PLD1: variants seen among roughly 807,000 people sequenced by gnomAD.
PLD1 encodes the protein choline phosphatase 1.
A neutral mutation model predicts 137.1 loss-of-function variants in PLD1; 112 were observed. That is an observed-to-expected ratio of 0.82 (90% CI 0.70 to 0.96). The LOEUF (loss-of-function observed/expected upper bound fraction) is 0.96, where lower values mean the gene tolerates loss of function less well. PLD1 is among the 40% of genes least tolerant of loss of function. The pLI, the probability that PLD1 is intolerant of heterozygous loss-of-function variation, is 0.00. For synonymous variants in PLD1, 431 were observed against 454.7 expected (o/e 0.95, Z 0.66); for missense variants, 1,321 against 1,342.0 (o/e 0.98, Z 0.24).
intron 1 of PLD1, among the ~76,000 whole-genome samples, chr3:171,798,120 C>T (rs972479878): frequency 5.9e-5 from 9 of 152,182 alleles, no homozygotes. Flanking sequence ...ATTATATAAC[C>T]AGCAATGGCA....
intron 1 of PLD1, among the ~76,000 whole-genome samples, chr3:171,743,674 C>T (rs377127925): frequency 6.6e-5 from 10 of 152,290 alleles, no homozygotes; most frequent in East Asian, 3.9e-4. Context: ...AAAATGAGCA[C>T]GGGCTCACAC....
chr3:171,630,024 A>G lies in PLD1; in HGVS notation c.2594-9504T>C, dbSNP rs576336247. Among the ~76,000 whole-genome samples, 16 of 152,330 alleles carry G rather than the reference A, an allele frequency of 1.1e-4. No individual in the cohort carries two copies. The Middle Eastern group carries it at 0.01, about 97-fold the overall frequency. ...CAAAATTGACAAATTGGATCTAATT[A>G]AACTAAAGAGCTTCTGCACAGCAAA... is the stretch of plus-strand genomic sequence containing the variant. On this transcript the variant is annotated intron_variant, in intron 23 of 26. Coordinates refer to ENST00000351298, the MANE Select transcript of PLD1 (RefSeq NM_002662.5).
chr3:171,648,745 G>A (rs1188517542), intron 21 of PLD1, among the ~76,000 whole-genome samples: 3 of 152,002 alleles, frequency 2.0e-5, no homozygotes, highest in African/African-American at 2.4e-5. Context: ...TAGCAGAGAC[G>A]GGGTTTCACC....
chr3:171,746,344 G>A (rs1159618945), intron 1 of PLD1, among the ~76,000 whole-genome samples: 1 of 152,268 alleles, frequency 6.6e-6, no homozygotes, highest in Non-Finnish European at 1.5e-5. Context: ...GGGCTCCTAA[G>A]TTGGGTGGTG....
At position 171,706,211 on chromosome 3, in the gene PLD1, A is replaced by C. The variant is rs534482739; in HGVS notation, c.1145+2544T>G. On this transcript the variant is annotated intron_variant, in intron 11 of 26. Transcript: ENST00000351298. ...TCCAAAATTAGTAGCCCTTATTACC[A>C]CTTACATTGTACCCTTTCTTTCTTT... Among the ~76,000 whole-genome samples, 107 of 151,674 alleles carry C rather than the reference A, an allele frequency of 7.1e-4. 2 individuals are homozygous for C. The South Asian group carries it at 0.022, about 31-fold the overall frequency.
chr3:171,711,121 G>A (rs1260991577), intron 9 of PLD1, among the ~76,000 whole-genome samples: 4 of 149,280 alleles, frequency 2.7e-5, no homozygotes, highest in African/African-American at 7.4e-5. Flanking sequence ...GGCCTGCCTC[G>A]GCCTCCCAAA....
At chr3:171,624,627 T>C (rs1733928867) in intron 23 of PLD1, among the ~76,000 whole-genome samples, 2 of 152,166 alleles carry the variant, frequency 1.3e-5, no homozygotes, top group African/African-American at 2.4e-5. Context: ...ATAATGGTTG[T>C]TGAAGACAAT....
At chr3:171,626,718 A>C (rs562458257) in intron 23 of PLD1, among the ~76,000 whole-genome samples, 5,160 of 151,756 alleles carry the variant, frequency 0.034, 322 homozygotes, top group African/African-American at 0.12. Flanking sequence ...AAAGAAAAGA[A>C]TTTTCAACCC....
chr3:171,676,097 C>G (rs1713322801), intron 18 of PLD1, among the ~76,000 whole-genome samples: 1 of 152,058 alleles, frequency 6.6e-6, no homozygotes, highest in Non-Finnish European at 1.5e-5. Context: ...CAGCCTAGGC[C>G]TCCCAAAGTG....
intron 21 of PLD1, among the ~76,000 whole-genome samples, chr3:171,648,310 C>T (rs1736437355): frequency 6.6e-6 from 1 of 152,024 alleles, no homozygotes; most frequent in Non-Finnish European, 1.5e-5. Flanking sequence ...AACATATGCT[C>T]ATAGTACAAA....
At chr3:171,671,089 T>G (rs925093480) in intron 19 of PLD1, among the ~76,000 whole-genome samples, 1 of 152,240 alleles carries the variant, frequency 6.6e-6, no homozygotes, top group Non-Finnish European at 1.5e-5. Context: ...GGTAATGGCA[T>G]GCTGAGGCCA....
chr3:171,612,298 G>A lies in PLD1; in HGVS notation c.2863C>T (p.Leu955Phe). The change falls in exon 25 of 27, where the codon CTT becomes TTT. Residue 955 changes from leucine to phenylalanine, a missense_variant. Coordinates refer to ENST00000351298, the MANE Select transcript of PLD1 (RefSeq NM_002662.5). The surrounding 1 kb of genome is among the most constrained non-coding windows in gnomAD (Gnocchi z 4.1). Reference protein sequence around the residue: ...EYQAGRFARGLRLQCFRVVLG... With the variant: ...EYQAGRFARGFRLQCFRVVLG... ...ACTGACCTAAAGCACTGTAGCCGAAGTCCTCGGGCAAACCGGCCAGCTTGG... is the reference window on the plus strand; with the variant it reads ...ACTGACCTAAAGCACTGTAGCCGAAATCCTCGGGCAAACCGGCCAGCTTGG... 6.2e-7 allele frequency: 1 copy of A among 1,614,090 alleles called. No individual in the cohort carries two copies. Among genetic ancestry groups the A allele is most frequent in the Non-Finnish European group, 8.5e-7 (1 of 1,179,974 alleles).
intron 23 of PLD1, among the ~76,000 whole-genome samples, chr3:171,633,581 C>T (rs779323951): frequency 3.3e-5 from 5 of 151,960 alleles, no homozygotes; most frequent in Non-Finnish European, 1.5e-5. Context: ...CATGTGTATA[C>T]CTATGTAACA....
intron 21 of PLD1, among the ~76,000 whole-genome samples, chr3:171,654,491 T>A (rs1321512563): frequency 6.6e-6 from 1 of 152,206 alleles, no homozygotes; most frequent in African/African-American, 2.4e-5. Flanking sequence ...TCTCACTTCC[T>A]GACTTTCTAC....
Position 171,686,695 on chromosome 3 carries a change from T to A in PLD1, c.1857A>T (p.Arg619Ser). The A allele has an allele frequency of 1.3e-6, 2 of 1,558,698 alleles. No homozygotes were observed. The highest frequency in any genetic ancestry group is 1.4e-5 in the African/African-American group (1 of 73,604). ...TCACAAATTACTTACCAGCATGAGG[T>A]CTAGTGAGTCCTTGCTCAGACTCAC... ...PSSESEQGLT[R>S]PHADTGSIRS... The change falls in exon 16 of 27, where the codon AGA becomes AGT. Residue 619 changes from arginine (R) to serine (S), a missense_variant. Physicochemically the swap from Arg to Ser is moderately radical, Grantham distance 110 (BLOSUM62 -1). Transcript: ENST00000351298.
At position 171,753,112 on chromosome 3, in the gene PLD1, A is replaced by ACCAGATGGGC. The variant is rs562468021; in HGVS notation, c.-31-15040_-31-15031dup. Among the ~76,000 whole-genome samples, 9 of 152,342 alleles carry ACCAGATGGGC rather than the reference A, an allele frequency of 5.9e-5. No homozygotes were observed. In the South Asian group the frequency reaches 1.9e-3, roughly 32 times the overall value. ...ATGTCTGAAATGTGTAAGAAAGACAACCAGATGGGCTGGATAAACTGCTTT... is the reference window on the plus strand; with the variant it reads ...ATGTCTGAAATGTGTAAGAAAGACAACCAGATGGGCCCAGATGGGCTGGATAAACTGCTTT... On this transcript the variant is annotated intron_variant, in intron 1 of 26. Coordinates refer to ENST00000351298, the MANE Select transcript of PLD1 (RefSeq NM_002662.5).
At chr3:171,686,604 C>G (rs1714580874) in intron 16 of PLD1, 81 bp downstream of exon 16, 2 of 734,696 alleles carry the variant, frequency 2.7e-6, no homozygotes, top group Non-Finnish European at 4.6e-6. Context: ...AATCTGGAAA[C>G]ACATTCACTA....
At position 171,603,236 on chromosome 3, in the gene PLD1, G is replaced by T; in HGVS notation, c.3067C>A (p.Pro1023Thr). The change falls in exon 27 of 27, where the codon CCC becomes ACC. Residue 1023 changes from proline to threonine, a missense_variant. By Grantham distance (38) the Pro-to-Thr change is conservative (BLOSUM62 -1). Transcript: ENST00000351298. ...LIQLRDFINK[P>T]VLAKEDPIRA... Reference sequence around the variant, plus strand: ...ATGGGATCTTCCTTAGCTAATACGGGCTTGTTTATAAAGTCTCTCAGCTGA... The same window carrying T: ...ATGGGATCTTCCTTAGCTAATACGGTCTTGTTTATAAAGTCTCTCAGCTGA... 1 of 1,613,996 alleles carries T rather than the reference G, an allele frequency of 6.2e-7. No individual in the cohort carries two copies. Among genetic ancestry groups the T allele is most frequent in the Non-Finnish European group, 8.5e-7 (1 of 1,179,946 alleles).
At chr3:171,672,086 G>T (rs185455087) in intron 19 of PLD1, among the ~76,000 whole-genome samples, 117 of 151,910 alleles carry the variant, frequency 7.7e-4, no homozygotes, top group African/African-American at 2.7e-3. Context: ...GAGCAAGCAG[G>T]ACTATTCCTT....
Sources: gnomAD v4.1 joint callset for allele counts (sites outside exome capture counted in the v4.1 genomes callset) on GRCh38, gnomAD v4.1.1 for gene constraint, Gnocchi (gnomAD v3.1) non-coding constraint, MANE v1.5 for transcripts, NCBI Gene and HGNC (gene_info 2026-07-23, HGNC 2026-07-21) for gene names.